The following UACA variants were observed in gnomAD, a reference collection of about 807,000 sequenced individuals.
UACA encodes uveal autoantigen with coiled-coil domains and ankyrin repeats.
Under a neutral mutation model 160.5 loss-of-function variants are expected in UACA, and 112 were observed. That is an observed-to-expected ratio of 0.70 (90% CI 0.60 to 0.82). The LOEUF (loss-of-function observed/expected upper bound fraction) is 0.82, where lower values mean the gene tolerates loss of function less well. Ranked by LOEUF, UACA falls within the 40% of genes least tolerant of loss-of-function variation. UACA has a pLI of 0.00. For synonymous variants in UACA, 557 were observed against 568.4 expected, an observed-to-expected ratio of 0.98 and a Z score of 0.29; for missense variants, 1,574 against 1,614.6, an observed-to-expected ratio of 0.97 and a Z score of 0.43.
Position 70,667,568 on chromosome 15 carries a change from G to A in UACA, c.3116C>T (p.Thr1039Ile), listed in dbSNP as rs1485902818. Residue 1039 changes from threonine to isoleucine, a missense_variant, in exon 16 of 19, where the codon ACC becomes ATC. Thr to Ile is a moderately conservative substitution (Grantham distance 89). Coordinates refer to ENST00000322954, the MANE Select transcript of UACA (RefSeq NM_018003.4). The stretch of plus-strand genomic sequence containing the variant: ...CTTATCTCTCAAATCTTTCTGAAGG[G>A]TAAAAATCTCCTTCTTTAACTTGTC... ...ENDKLKKEIF[T>I]LQKDLRDKTV... 1 of 1,612,842 alleles carries A rather than the reference G, an allele frequency of 6.2e-7. No individual in the cohort carries two copies. Among genetic ancestry groups the A allele is most frequent in the Non-Finnish European group, 8.5e-7 (1 of 1,179,948 alleles).
chr15:70,662,629 A>AACCAAAACAGCATGCTACTGGT, intron 17 of UACA, among the ~76,000 whole-genome samples: 1 of 152,234 alleles, frequency 6.6e-6, no homozygotes, highest in Admixed American at 6.5e-5. Flanking sequence ...AGGCTACAGT[A>AACCAAAACAGCATGCTACTGGT]ACCAAAACAG....
chr15:70,671,868 G>A, intron 14 of UACA, 97 bp downstream of exon 14: 1 of 981,672 alleles, frequency 1.0e-6, no homozygotes, highest in Non-Finnish European at 1.5e-6. Flanking sequence ...GGAATATCTT[G>A]TACAGTTATT....
In UACA at chr15:70,668,034, ATAAT is replaced by A. The variant is rs1355309424; in HGVS notation, c.2646_2649del (p.Glu882AspfsTer2). On this transcript the variant is annotated frameshift_variant, in exon 16 of 19. Transcript: ENST00000322954. LOFTEE classifies it high-confidence loss of function. ...TCTTCAAATTTTTTCTTCACATCTA[ATAAT>A]TCTCTGTTAGTTTTGGCTAACGTGT... 6.2e-7 allele frequency: 1 copy of A among 1,611,006 alleles called. No homozygotes were observed. The highest frequency in any genetic ancestry group is 8.5e-7 in the Non-Finnish European group (1 of 1,179,250).
chr15:70,711,629 T>C (rs183955234), intron 1 of UACA, among the ~76,000 whole-genome samples: 1 of 152,150 alleles, frequency 6.6e-6, no homozygotes, highest in Non-Finnish European at 1.5e-5. Flanking sequence ...CAGTGCTAGA[T>C]ATACCAGGGG....
chr15:70,661,855 G>A (rs1454043469), intron 17 of UACA, among the ~76,000 whole-genome samples: 7 of 152,012 alleles, frequency 4.6e-5, no homozygotes, highest in East Asian at 1.9e-4. Flanking sequence ...TTGATGGGAC[G>A]TATCTCAAAA....
chr15:70,663,953 G>C (rs550603412), intron 17 of UACA, among the ~76,000 whole-genome samples: 480 of 152,052 alleles, frequency 3.2e-3, no homozygotes, highest in Admixed American at 5.4e-3. Context: ...ACACCAACAT[G>C]GTCCATGTAT....
At chr15:70,764,078 G>A (rs984593953), upstream of UACA, among the ~76,000 whole-genome samples, 1 of 152,206 alleles carries the variant, frequency 6.6e-6, no homozygotes, top group Admixed American at 6.5e-5. Flanking sequence ...GAAATAAGGT[G>A]CTGATTGTGC....
At chr15:70,696,595 G>C (rs370804643) in intron 2 of UACA, among the ~76,000 whole-genome samples, 83 of 152,260 alleles carry the variant, frequency 5.5e-4, no homozygotes, top group African/African-American at 1.8e-3. Context: ...TTAGAAAGCT[G>C]TTTCTGGTAA....
At chr15:70,702,617 C>G (rs1304843464) in intron 1 of UACA, among the ~76,000 whole-genome samples, 2 of 152,318 alleles carry the variant, frequency 1.3e-5, no homozygotes, top group African/African-American at 4.8e-5. Context: ...TTAGGATCAT[C>G]TAACATGAAG....
intron 1 of UACA, among the ~76,000 whole-genome samples, chr15:70,753,799 A>T (rs1314822201): frequency 6.6e-6 from 1 of 152,168 alleles, no homozygotes; most frequent in Non-Finnish European, 1.5e-5. Flanking sequence ...ATTTCAAATT[A>T]CTTATAATTT....
rs746397117 is a variant in UACA at position 70,666,995 on chromosome 15, T to C, written c.3689A>G (p.Lys1230Arg). The C allele has an allele frequency of 6.2e-7, 1 of 1,613,022 alleles. No homozygotes were observed. Among genetic ancestry groups the C allele is most frequent in the Non-Finnish European group, 8.5e-7 (1 of 1,179,824 alleles). ...TGTCTCCAAATCACTTTTTGTTGCT[T>C]TATATTTAGACAAGTCAACTACCTC... ...TREVVDLSKY[K>R]ATKSDLETQI... Residue 1230 changes from lysine to arginine, a missense_variant, in exon 16 of 19, where the codon AAA becomes AGA. Coordinates refer to ENST00000322954, the MANE Select transcript of UACA (RefSeq NM_018003.4).
rs145683859 is a variant in UACA, at chr15:70,662,435, C to T, written c.4114-2219G>A. On this transcript the variant is annotated intron_variant, in intron 17 of 18. Coordinates refer to ENST00000322954, the MANE Select transcript of UACA (RefSeq NM_018003.4). ...CAATGTCATGAAAATGGCTATACTG[C>T]CCAAGGTAATTTATAGATTCAATGC... Among the ~76,000 whole-genome samples, 946 of 152,222 alleles carry T rather than the reference C, an allele frequency of 6.2e-3. 4 individuals carry two copies. Among genetic ancestry groups the T allele is most frequent in the Non-Finnish European group, 9.5e-3 (647 of 68,028 alleles).
chr15:70,715,248 T>C (rs961797957), intron 1 of UACA, among the ~76,000 whole-genome samples: 2 of 152,178 alleles, frequency 1.3e-5, no homozygotes, highest in African/African-American at 4.8e-5. Flanking sequence ...ATAGTTACGG[T>C]GAATTTTAAC....
intron 17 of UACA, chr15:70,660,553 A>C (rs2140884057): frequency 4.7e-6 from 1 of 213,808 alleles, no homozygotes; most frequent in South Asian, 1.4e-4. Flanking sequence ...CTATCTCCAC[A>C]CTATATTCCT....
chr15:70,661,432 A>C (rs1178437590), intron 17 of UACA: 1 of 152,192 alleles, frequency 6.6e-6, no homozygotes, highest in Non-Finnish European at 1.5e-5. Flanking sequence ...ACAATAAACA[A>C]ATATTTCCAA....
chr15:70,663,734 C>G (rs545387211), intron 17 of UACA, among the ~76,000 whole-genome samples: 39 of 151,998 alleles, frequency 2.6e-4, no homozygotes, highest in Non-Finnish European at 3.8e-4. Context: ...ATGGATGAAG[C>G]TGGAAACCAT....
intron 1 of UACA, among the ~76,000 whole-genome samples, chr15:70,761,371 A>G (rs1328428338): frequency 6.6e-6 from 1 of 152,038 alleles, no homozygotes; most frequent in African/African-American, 2.4e-5. Flanking sequence ...TATATTACCT[A>G]TTCAAAAAAT....
At chr15:70,753,844 C>T (rs533742620) in intron 1 of UACA, among the ~76,000 whole-genome samples, 1 of 152,180 alleles carries the variant, frequency 6.6e-6, no homozygotes, top group African/African-American at 2.4e-5. Flanking sequence ...CTCGCTCCAT[C>T]GCCCAGGCTG....
At chr15:70,723,032 G>C (rs1899037885) in intron 1 of UACA, among the ~76,000 whole-genome samples, 1 of 152,188 alleles carries the variant, frequency 6.6e-6, no homozygotes, top group Admixed American at 6.5e-5. Flanking sequence ...CCTGGACAGA[G>C]TTCCTGACTT....
Sources: allele counts gnomAD v4.1 joint callset (sites outside exome capture counted in the v4.1 genomes callset), GRCh38; gene constraint gnomAD v4.1.1; transcripts MANE v1.5; gene names NCBI Gene and HGNC (gene_info 2026-07-23, HGNC 2026-07-21).